SLC35F1: variants seen among roughly 807,000 people sequenced by gnomAD.
SLC35F1 encodes solute carrier family 35 member F1, also known as chromosome 6 open reading frame 169.
A neutral mutation model predicts 48.7 loss-of-function variants in SLC35F1; 14 were observed. That is an observed-to-expected ratio of 0.29 (90% CI 0.19 to 0.45). SLC35F1 has a LOEUF of 0.45. Among genes scored for constraint, SLC35F1 ranks in the 20% least tolerant of loss-of-function variants. The probability of loss-of-function intolerance (pLI) is 1.00; values close to 1 mark genes in which losing one functional copy is unlikely to be tolerated. For synonymous variants in SLC35F1, 190 were observed against 202.2 expected, an observed-to-expected ratio of 0.94 and a Z score of 0.51; for missense variants, 404 against 500.0, an observed-to-expected ratio of 0.81 and a Z score of 1.83.
intron 1 of SLC35F1, among the ~76,000 whole-genome samples, chr6:118,146,627 T>G (rs1000878613): frequency 6.6e-6 from 1 of 152,212 alleles, no homozygotes; most frequent in Non-Finnish European, 1.5e-5. Flanking sequence ...TTTATTTGAC[T>G]ACATGGTTAT....
intron 1 of SLC35F1, among the ~76,000 whole-genome samples, chr6:118,112,957 A>T (rs1332848655): frequency 6.6e-6 from 1 of 152,216 alleles, no homozygotes; most frequent in Non-Finnish European, 1.5e-5. Flanking sequence ...AACTAGTCCC[A>T]TCTACAAGAA....
rs1189826649 is a variant in SLC35F1 at position 118,128,404 on chromosome 6, A to C, written c.174-26041A>C. Among the ~76,000 whole-genome samples the C allele has an allele frequency of 1.5e-3, 221 of 149,932 alleles. 1 individual carries two copies. Among genetic ancestry groups the C allele is most frequent in the African/African-American group, 5.2e-3 (212 of 41,058 alleles). On this transcript the variant is annotated intron_variant, in intron 1 of 7. Coordinates refer to ENST00000360388, the MANE Select transcript of SLC35F1 (RefSeq NM_001029858.4). ...CTATTCACAATAGCAAAGACTTGGA[A>C]CCAACCCAAATGTCCAACAATGATA... is the stretch of plus-strand genomic sequence containing the variant.
At chr6:118,235,665 C>A (rs766636803) in intron 3 of SLC35F1, 29 bp downstream of exon 3, 2 of 1,606,186 alleles carry the variant, frequency 1.2e-6, no homozygotes, top group African/African-American at 2.7e-5. Context: ...CCCTTCTCAA[C>A]TTCCTCTATC....
chr6:118,007,398 A>G (rs1262307838), intron 1 of SLC35F1, among the ~76,000 whole-genome samples: 1 of 152,158 alleles, frequency 6.6e-6, no homozygotes, highest in African/African-American at 2.4e-5. Flanking sequence ...ACCACCTACT[A>G]TGTGCCGGAC....
chr6:118,185,419 G>A (rs1774641700), intron 2 of SLC35F1, among the ~76,000 whole-genome samples: 1 of 152,100 alleles, frequency 6.6e-6, no homozygotes. Context: ...TCAGCTACCA[G>A]CTTGAATAAG....
chr6:118,109,553 A>G (rs1288601538), intron 1 of SLC35F1, among the ~76,000 whole-genome samples: 1 of 152,140 alleles, frequency 6.6e-6, no homozygotes, highest in Admixed American at 6.6e-5. Flanking sequence ...AGTTTATGTT[A>G]TGCTCAAATT....
chr6:118,056,414 T>A (rs1193429170), intron 1 of SLC35F1, among the ~76,000 whole-genome samples: 1 of 152,246 alleles, frequency 6.6e-6, no homozygotes, highest in Non-Finnish European at 1.5e-5. Context: ...ATCATATTTA[T>A]TTGATATTTC....
intron 1 of SLC35F1, among the ~76,000 whole-genome samples, chr6:118,058,389 C>G (rs1298633180): frequency 6.6e-6 from 1 of 152,104 alleles, no homozygotes; most frequent in Non-Finnish European, 1.5e-5. Flanking sequence ...CTTAAGAACT[C>G]ATCTTATTTC....
intron 1 of SLC35F1, among the ~76,000 whole-genome samples, chr6:118,050,960 G>A (rs1158845894): frequency 6.6e-6 from 1 of 152,096 alleles, no homozygotes; most frequent in African/African-American, 2.4e-5. Context: ...GGAACTGCAT[G>A]TTCTCCAGCA....
At chr6:118,254,228 T>A (rs1775614865) in intron 3 of SLC35F1, among the ~76,000 whole-genome samples, 1 of 152,162 alleles carries the variant, frequency 6.6e-6, no homozygotes, top group Non-Finnish European at 1.5e-5. Context: ...CCTGGTCACT[T>A]AGTAGGCATT....
At chr6:117,998,403 C>T (rs1777033864) in intron 1 of SLC35F1, among the ~76,000 whole-genome samples, 1 of 152,050 alleles carries the variant, frequency 6.6e-6, no homozygotes, top group South Asian at 2.1e-4. Flanking sequence ...AGGAATTGAA[C>T]TCAGCTCTGC....
chr6:117,977,876 G>A (rs951418334), intron 1 of SLC35F1, among the ~76,000 whole-genome samples: 6 of 151,978 alleles, frequency 3.9e-5, no homozygotes, highest in Admixed American at 3.9e-4. Flanking sequence ...CAGAGGCAGA[G>A]GCTTAAATTT....
chr6:118,038,520 G>A (rs956566506), intron 1 of SLC35F1, among the ~76,000 whole-genome samples: 1 of 146,754 alleles, frequency 6.8e-6, no homozygotes, highest in Admixed American at 7.2e-5. Flanking sequence ...AACATGAGGT[G>A]TCTTTCCATT....
Position 117,972,263 on chromosome 6 carries a change from T to C in SLC35F1, c.173+64364T>C, listed in dbSNP as rs183521240. Among the ~76,000 whole-genome samples the C allele has an allele frequency of 3.9e-5, 6 of 152,326 alleles. No homozygotes were observed. The East Asian group carries it at 9.7e-4, about 25-fold the overall frequency. On this transcript the variant is annotated intron_variant, in intron 1 of 7. Transcript: ENST00000360388. ...TTATGAGACCACCTCAGCCTGGACTTGATTGTCCATATCACTATCAGCATT... is the reference window on the plus strand; with the variant it reads ...TTATGAGACCACCTCAGCCTGGACTCGATTGTCCATATCACTATCAGCATT...
chr6:118,048,896 G>A (rs188746659), intron 1 of SLC35F1, among the ~76,000 whole-genome samples: 69 of 152,154 alleles, frequency 4.5e-4, no homozygotes, highest in East Asian at 2.5e-3. Flanking sequence ...AAAAGAGCCC[G>A]CATCGCCAAG....
chr6:118,245,701 G>A lies in SLC35F1; in HGVS notation c.477+10065G>A, dbSNP rs553727595. ...CCCTTCTCAGGCAGGATACACAGAT[G>A]TCTAAACATCTTCCAGCAACACAGG... On this transcript the variant is annotated intron_variant, in intron 3 of 7. Transcript: ENST00000360388. Among the ~76,000 whole-genome samples the A allele has an allele frequency of 3.3e-5, 5 of 152,328 alleles. No individual in the cohort carries two copies. The East Asian group carries it at 7.7e-4, about 24-fold the overall frequency.
At chr6:118,286,528 T>G (rs1031179462) in intron 7 of SLC35F1, among the ~76,000 whole-genome samples, 2 of 152,086 alleles carry the variant, frequency 1.3e-5, no homozygotes, top group Non-Finnish European at 2.9e-5. Context: ...ACGAAGCTAG[T>G]TAGTAGCTAG....
At chr6:118,047,750 C>A (rs1382890466) in intron 1 of SLC35F1, among the ~76,000 whole-genome samples, 4 of 152,148 alleles carry the variant, frequency 2.6e-5, no homozygotes, top group African/African-American at 9.7e-5. Flanking sequence ...TAACTGTCCT[C>A]AAGGAATTTA....
intron 1 of SLC35F1, among the ~76,000 whole-genome samples, chr6:117,976,758 C>T (rs1236630453): frequency 2.0e-5 from 3 of 152,114 alleles, no homozygotes; most frequent in African/African-American, 7.2e-5. Context: ...ATTGCAGAAT[C>T]CTCAGAAAAC....
Sources: allele counts gnomAD v4.1 joint callset (sites outside exome capture counted in the v4.1 genomes callset), GRCh38; gene constraint gnomAD v4.1.1; transcripts MANE v1.5; gene names NCBI Gene and HGNC (gene_info 2026-07-23, HGNC 2026-07-21).